PELI1: variants seen among roughly 807,000 people sequenced by gnomAD.
PELI1 encodes E3 ubiquitin-protein ligase pellino homolog 1.
In PELI1, 15 loss-of-function variants were observed where a neutral mutation model predicts 41.3. The ratio of observed to expected loss-of-function variants is 0.36; its 90% confidence interval spans 0.24 to 0.56. PELI1 has a LOEUF of 0.56. Among genes scored for constraint, PELI1 ranks in the 20% least tolerant of loss-of-function variants. PELI1 has a pLI of 0.82. For missense variants in PELI1, 403 were observed against 525.5 expected (o/e 0.77, Z 2.28); for synonymous variants, 178 against 180.1 (o/e 0.99, Z 0.09).
At chr2:64,104,865 C>G in intron 2 of PELI1, 35 bp from the exon 3 acceptor site, 1 of 1,582,530 alleles carries the variant, frequency 6.3e-7, no homozygotes, top group Non-Finnish European at 8.6e-7. Context: ...TGATCTCTTG[C>G]AAGAACTGCA....
chr2:64,115,962 C>T (rs1680976433), intron 1 of PELI1, among the ~76,000 whole-genome samples: 1 of 152,050 alleles, frequency 6.6e-6, no homozygotes, highest in African/African-American at 2.4e-5. Flanking sequence ...TGGTAGTGAC[C>T]AACGACAAAT....
chr2:64,118,880 T>C (rs921438935), intron 1 of PELI1, among the ~76,000 whole-genome samples: 1 of 152,156 alleles, frequency 6.6e-6, no homozygotes, highest in Non-Finnish European at 1.5e-5. Context: ...TAAAGTACAA[T>C]GACAGCATCA....
At chr2:64,108,801 A>G (rs1261708232) in intron 1 of PELI1, among the ~76,000 whole-genome samples, 1 of 152,230 alleles carries the variant, frequency 6.6e-6, no homozygotes, top group African/African-American at 2.4e-5. Flanking sequence ...TAAAGAAGGC[A>G]GCAACCTGGA....
intron 1 of PELI1, among the ~76,000 whole-genome samples, chr2:64,118,879 A>G (rs1320412271): frequency 6.6e-6 from 1 of 152,200 alleles, no homozygotes; most frequent in Non-Finnish European, 1.5e-5. Context: ...CTAAAGTACA[A>G]TGACAGCATC....
rs965828051 is a variant in PELI1 at position 64,127,399 on chromosome 2, G to A, written c.-70+16682C>T. Among the ~76,000 whole-genome samples the A allele has an allele frequency of 5.9e-5, 9 of 152,266 alleles. No individual in the cohort carries two copies. In the South Asian group the frequency reaches 1.9e-3, roughly 32 times the overall value. On this transcript the variant is annotated intron_variant, in intron 1 of 6. Transcript: ENST00000358912. Reference sequence around the variant, plus strand: ...ACAAAAAATGTAAAGTTTCAGACAGGCATGATTCTGTATGAAATTTGTTGG... The same window carrying A: ...ACAAAAAATGTAAAGTTTCAGACAGACATGATTCTGTATGAAATTTGTTGG...
At chr2:64,112,661 G>C (rs1361421574) in intron 1 of PELI1, among the ~76,000 whole-genome samples, 1 of 152,092 alleles carries the variant, frequency 6.6e-6, no homozygotes, top group Non-Finnish European at 1.5e-5. Context: ...TTCTACTTCT[G>C]TATTTGATAA....
At chr2:64,124,352 G>C (rs920212987) in intron 1 of PELI1, among the ~76,000 whole-genome samples, 1 of 151,850 alleles carries the variant, frequency 6.6e-6, no homozygotes, top group Admixed American at 6.6e-5. Context: ...TAAAGCTCTA[G>C]CACATTAAAA....
chr2:64,096,036 G>C, intron 6 of PELI1, 89 bp downstream of exon 6: 1 of 878,200 alleles, frequency 1.1e-6, no homozygotes, highest in Non-Finnish European at 1.8e-6. Context: ...ATAGATTTAA[G>C]AGTTTTCTGG....
At chr2:64,123,129 G>A (rs1318911655) in intron 1 of PELI1, among the ~76,000 whole-genome samples, 1 of 152,222 alleles carries the variant, frequency 6.6e-6, no homozygotes, top group African/African-American at 2.4e-5. Flanking sequence ...TATTACAGGA[G>A]ATGGCCAAGT....
chr2:64,103,070 C>T (rs562012905), intron 3 of PELI1, among the ~76,000 whole-genome samples: 2 of 151,844 alleles, frequency 1.3e-5, no homozygotes, highest in African/African-American at 2.4e-5. Flanking sequence ...CTCGAACTCC[C>T]GAGCTCAAGT....
chr2:64,131,211 T>G (rs916825396), intron 1 of PELI1, among the ~76,000 whole-genome samples: 21 of 150,418 alleles, frequency 1.4e-4, no homozygotes, highest in African/African-American at 4.9e-4. Flanking sequence ...AAATTAATAA[T>G]AAGATATTAT....
chr2:64,125,232 C>T (rs750656631), intron 1 of PELI1, among the ~76,000 whole-genome samples: 2 of 152,128 alleles, frequency 1.3e-5, no homozygotes, highest in Non-Finnish European at 2.9e-5. Flanking sequence ...CTGGGTGAGA[C>T]AAAAGTCCCA....
At chr2:64,113,076 G>A (rs944653177) in intron 1 of PELI1, among the ~76,000 whole-genome samples, 15 of 151,872 alleles carry the variant, frequency 9.9e-5, no homozygotes, top group Admixed American at 3.3e-4. Context: ...CCAGGAGTTT[G>A]AGACCAGCCT....
At chr2:64,097,646 T>A (rs1010588306) in intron 4 of PELI1, among the ~76,000 whole-genome samples, 1 of 152,240 alleles carries the variant, frequency 6.6e-6, no homozygotes, top group Admixed American at 6.5e-5. Flanking sequence ...AGTTCATGAA[T>A]GTATTTGTTA....
chr2:64,104,691 T>TTC lies in PELI1; in HGVS notation c.201+9_201+10insGA. On this transcript the variant is annotated intron_variant, in intron 3 of 6. Coordinates refer to ENST00000358912, the MANE Select transcript of PELI1 (RefSeq NM_020651.4). ...AGTTAATTTATGTAGCTTTTTTTTT[T>TTC]TTTTTTTACCTTTGCAGCCTGAGGA... The TTC allele has an allele frequency of 6.4e-7, 1 of 1,557,384 alleles. No individual in the cohort carries two copies. Among genetic ancestry groups the TTC allele is most frequent in the Non-Finnish European group, 8.6e-7 (1 of 1,161,512 alleles).
chr2:64,096,613 G>GA lies in PELI1; in HGVS notation c.304-4dup. On this transcript the variant is annotated splice_polypyrimidine_tract_variant and splice_region_variant and intron_variant, in intron 4 of 6. Coordinates refer to ENST00000358912, the MANE Select transcript of PELI1 (RefSeq NM_020651.4). ...GGGCTTTCAGTCGACCGGCCAATCTGAGGGAAAAAAAAAAATACCTATAAA... is the reference window on the plus strand; with the variant it reads ...GGGCTTTCAGTCGACCGGCCAATCTGAAGGGAAAAAAAAAAATACCTATAAA... 2 of 1,589,300 alleles carry GA rather than the reference G, an allele frequency of 1.3e-6. No individual in the cohort carries two copies. The highest frequency in any genetic ancestry group is 1.7e-6 in the Non-Finnish European group (2 of 1,166,628).
At chr2:64,129,471 A>G (rs1681486340) in intron 1 of PELI1, among the ~76,000 whole-genome samples, 1 of 152,184 alleles carries the variant, frequency 6.6e-6, no homozygotes, top group South Asian at 2.1e-4. Flanking sequence ...GGGCTTTTTT[A>G]TATATAACTC....
chr2:64,108,517 C>A, intron 1 of PELI1, 138 bp from the exon 2 acceptor site: 1 of 468,802 alleles, frequency 2.1e-6, no homozygotes, highest in Non-Finnish European at 3.8e-6. Context: ...GACATTTTGC[C>A]CAATAATGAT....
chr2:64,107,970 G>A (rs1250217813), intron 2 of PELI1, among the ~76,000 whole-genome samples: 2 of 152,024 alleles, frequency 1.3e-5, no homozygotes, highest in Non-Finnish European at 2.9e-5. Context: ...GAGCCACCAT[G>A]CCCGGACTTT....
Sources: gnomAD v4.1 joint callset for allele counts (sites outside exome capture counted in the v4.1 genomes callset) on GRCh38, gnomAD v4.1.1 for gene constraint, MANE v1.5 for transcripts, NCBI Gene and HGNC (gene_info 2026-07-23, HGNC 2026-07-21) for gene names.